EEFSEC: variants seen among roughly 807,000 people sequenced by gnomAD.
EEFSEC encodes the protein eukaryotic elongation factor, selenocysteine-tRNA specific.
A neutral mutation model predicts 42.1 loss-of-function variants in EEFSEC; 43 were observed. That is an observed-to-expected ratio of 1.02 (90% CI 0.80 to 1.32). The LOEUF (loss-of-function observed/expected upper bound fraction) is 1.32. EEFSEC is among the 40% of genes most tolerant of loss of function. The pLI is 0.00. For missense variants in EEFSEC, 745 were observed against 803.6 expected (o/e 0.93, Z 0.88); for synonymous variants, 354 against 339.1 (o/e 1.04, Z -0.48).
intron 4 of EEFSEC, among the ~76,000 whole-genome samples, chr3:128,307,781 G>A (rs563316486): frequency 6.6e-6 from 1 of 152,330 alleles, no homozygotes; most frequent in South Asian, 2.1e-4. Flanking sequence ...GTGTGAGTGG[G>A]GCCATCACTA....
chr3:128,383,277 C>G (rs565970259), intron 6 of EEFSEC, among the ~76,000 whole-genome samples: 2 of 152,336 alleles, frequency 1.3e-5, no homozygotes, highest in Admixed American at 6.5e-5. Flanking sequence ...ATGCTGGACC[C>G]CCACCCCTGG....
At chr3:128,371,483 G>C (rs949690853) in intron 6 of EEFSEC, among the ~76,000 whole-genome samples, 2 of 152,154 alleles carry the variant, frequency 1.3e-5, no homozygotes, top group Non-Finnish European at 2.9e-5. Context: ...AGTGTCCCCT[G>C]GGGACCAAAA....
chr3:128,211,990 G>A (rs1431075797), intron 1 of EEFSEC, among the ~76,000 whole-genome samples: 2 of 151,216 alleles, frequency 1.3e-5, no homozygotes, highest in Admixed American at 1.3e-4. Context: ...CTCCTCAGTG[G>A]CTGGGACTAC....
chr3:128,282,906 A>C (rs1178826629), intron 4 of EEFSEC, among the ~76,000 whole-genome samples: 5 of 152,236 alleles, frequency 3.3e-5, no homozygotes, highest in Non-Finnish European at 7.3e-5. Context: ...GGAAGCAAGC[A>C]GGGCTGGCCG....
intron 1 of EEFSEC, among the ~76,000 whole-genome samples, chr3:128,210,862 T>A (rs1474882653): frequency 6.6e-6 from 1 of 152,264 alleles, no homozygotes; most frequent in East Asian, 1.9e-4. Context: ...TCAGGCCAGC[T>A]GGGCATCACT....
chr3:128,154,786 ACGTTTATGCTGTTTC>A (rs1944344008), intron 1 of EEFSEC, among the ~76,000 whole-genome samples: 3 of 152,166 alleles, frequency 2.0e-5, no homozygotes, highest in Admixed American at 2.0e-4. Context: ...TTAATGATGG[ACGTTTATGCTGTTTC>A]CAGTATTTAC....
intron 4 of EEFSEC, among the ~76,000 whole-genome samples, chr3:128,315,123 C>T (rs1289338565): frequency 1.3e-5 from 2 of 152,168 alleles, no homozygotes; most frequent in African/African-American, 4.8e-5. Flanking sequence ...AATGCTACCA[C>T]TTCCTTGCTA....
At chr3:128,239,056 G>A (rs890337832) in intron 1 of EEFSEC, among the ~76,000 whole-genome samples, 49 of 152,358 alleles carry the variant, frequency 3.2e-4, no homozygotes, top group African/African-American at 1.1e-3. Context: ...TGGCCAGGAT[G>A]TTTGTGGAGG....
intron 4 of EEFSEC, among the ~76,000 whole-genome samples, chr3:128,278,960 G>T (rs185203700): frequency 6.6e-6 from 1 of 152,350 alleles, no homozygotes; most frequent in Non-Finnish European, 1.5e-5. Flanking sequence ...TGGGCGGAAG[G>T]TCAGGAGTTT....
intron 1 of EEFSEC, among the ~76,000 whole-genome samples, chr3:128,178,904 A>C (rs1448610236): frequency 1.3e-5 from 2 of 152,224 alleles, no homozygotes; most frequent in African/African-American, 4.8e-5. Context: ...TTGGTTTGAA[A>C]AGATTCAATC....
chr3:128,344,890 G>GA (rs2067294361), intron 5 of EEFSEC, among the ~76,000 whole-genome samples: 6 of 152,232 alleles, frequency 3.9e-5, no homozygotes, highest in Admixed American at 3.3e-4. Flanking sequence ...CTCATCAGGT[G>GA]AAGCAAGAAG....
intron 1 of EEFSEC, among the ~76,000 whole-genome samples, chr3:128,154,435 A>G (rs1944332873): frequency 6.6e-6 from 1 of 151,270 alleles, no homozygotes. Flanking sequence ...CCTTGTACCA[A>G]CATTTTCTTT....
rs2067259571 is a variant in EEFSEC at position 128,341,882 on chromosome 3, T to G, written c.1436T>G (p.Val479Gly). Residue 479 changes from valine to glycine, a missense_variant, in exon 5 of 7, where the codon GTG becomes GGG. Val to Gly is a moderately radical substitution (Grantham distance 109). Coordinates refer to ENST00000254730, the MANE Select transcript of EEFSEC (RefSeq NM_021937.5). Reference protein sequence around the residue: ...VYKLKHKHGLVERAMDDYSVI... With the variant: ...VYKLKHKHGLGERAMDDYSVI... ...AAGCTGAAGCACAAGCATGGCCTTG[T>G]GGAGCGGGTGAGCATGCCCTTGCCT... The G allele has an allele frequency of 6.2e-7, 1 of 1,612,404 alleles. No homozygotes were observed. The highest frequency in any genetic ancestry group is 1.3e-5 in the African/African-American group (1 of 75,054).
At chr3:128,199,289 C>T (rs1445381462) in intron 1 of EEFSEC, among the ~76,000 whole-genome samples, 2 of 152,204 alleles carry the variant, frequency 1.3e-5, no homozygotes, top group Admixed American at 6.5e-5. Context: ...CACCCCTTTA[C>T]GGTGATGTTA....
chr3:128,269,017 G>A (rs138556721), intron 4 of EEFSEC, among the ~76,000 whole-genome samples: 17 of 152,262 alleles, frequency 1.1e-4, no homozygotes, highest in East Asian at 5.8e-4. Context: ...TGGCTTCCTC[G>A]CAGGGAGTCG....
intron 6 of EEFSEC, among the ~76,000 whole-genome samples, chr3:128,399,334 G>A (rs574414029): frequency 6.6e-5 from 10 of 152,262 alleles, no homozygotes; most frequent in Admixed American, 3.3e-4. Context: ...GGTGCGGGGC[G>A]CTGGTTGCCT....
At chr3:128,320,297 A>G (rs552815597) in intron 4 of EEFSEC, among the ~76,000 whole-genome samples, 1 of 152,290 alleles carries the variant, frequency 6.6e-6, no homozygotes, top group Non-Finnish European at 1.5e-5. Context: ...TTTTACTTTC[A>G]TTGTCACCAT....
intron 1 of EEFSEC, among the ~76,000 whole-genome samples, chr3:128,245,860 C>T (rs1576577177): frequency 6.6e-6 from 1 of 152,186 alleles, no homozygotes; most frequent in African/African-American, 2.4e-5. Flanking sequence ...TGCCTTCCCT[C>T]TATCCCCAGC....
chr3:128,255,320 G>A (rs2066230469), intron 2 of EEFSEC, among the ~76,000 whole-genome samples: 1 of 152,198 alleles, frequency 6.6e-6, no homozygotes, highest in Admixed American at 6.5e-5. Flanking sequence ...TGTCAGGGAG[G>A]AGGGAAGGAT....
Sources: allele counts gnomAD v4.1 joint callset (sites outside exome capture counted in the v4.1 genomes callset), GRCh38; gene constraint gnomAD v4.1.1; transcripts MANE v1.5; gene names NCBI Gene and HGNC (gene_info 2026-07-23, HGNC 2026-07-21).